The following CA10 variants were observed in gnomAD, a reference collection of about 807,000 sequenced individuals.
CA10 encodes the protein carbonic anhydrase 10 (inactive).
In CA10, 14 loss-of-function variants were observed where a neutral mutation model predicts 44.2. That is an observed-to-expected ratio of 0.32 (90% confidence interval 0.21 to 0.50). The LOEUF is 0.50. Among genes scored for constraint, CA10 ranks in the 20% least tolerant of loss-of-function variants. The pLI is 0.99. For missense variants in CA10, 350 were observed against 409.7 expected (o/e 0.85, Z 1.26); for synonymous variants, 159 against 141.6 (o/e 1.12, Z -0.87).
At chr17:51,796,374 C>A (rs956765642) in intron 3 of CA10, among the ~76,000 whole-genome samples, 1 of 152,122 alleles carries the variant, frequency 6.6e-6, no homozygotes, top group Non-Finnish European at 1.5e-5. Flanking sequence ...TCAAAGAAGG[C>A]CAGTGTGCTC....
At chr17:52,075,627 G>A (rs62068647) in intron 1 of CA10, among the ~76,000 whole-genome samples, 20,444 of 152,116 alleles carry the variant, frequency 0.13, 1,825 homozygotes, top group Non-Finnish European at 0.19. Flanking sequence ...GCAGAGCATA[G>A]CATCTCTGTC....
At chr17:51,668,777 A>G (rs1473037023) in intron 4 of CA10, among the ~76,000 whole-genome samples, 1 of 151,824 alleles carries the variant, frequency 6.6e-6, no homozygotes, top group Non-Finnish European at 1.5e-5. Context: ...GTGGAGAGAG[A>G]GGCGCAGGTG....
intron 4 of CA10, among the ~76,000 whole-genome samples, chr17:51,741,848 A>G (rs77385810): frequency 1.1e-3 from 164 of 152,348 alleles, no homozygotes; most frequent in Non-Finnish European, 1.6e-3. Context: ...ACAAAGGACT[A>G]TGGTTCCAAT....
chr17:51,781,560 TC>T (rs1475947159), intron 3 of CA10, among the ~76,000 whole-genome samples: 1 of 152,150 alleles, frequency 6.6e-6, no homozygotes, highest in Non-Finnish European at 1.5e-5. Flanking sequence ...ATGATGAAAA[TC>T]TACTTGTTCA....
intron 3 of CA10, among the ~76,000 whole-genome samples, chr17:51,870,524 C>T (rs930297578): frequency 6.6e-6 from 1 of 152,234 alleles, no homozygotes; most frequent in South Asian, 2.1e-4. Flanking sequence ...TAAAACAGTC[C>T]ATAAAAGCTA....
intron 2 of CA10, among the ~76,000 whole-genome samples, chr17:52,031,311 G>C (rs1387214353): frequency 6.6e-6 from 1 of 151,908 alleles, no homozygotes; most frequent in East Asian, 1.9e-4. Context: ...CACCATGCCT[G>C]GCGAATTTTT....
At chr17:51,747,246 G>A (rs567622321) in intron 4 of CA10, among the ~76,000 whole-genome samples, 1 of 152,210 alleles carries the variant, frequency 6.6e-6, no homozygotes, top group Admixed American at 6.5e-5. Flanking sequence ...CAAAAGAAAA[G>A]TTATGGAATC....
intron 3 of CA10, among the ~76,000 whole-genome samples, chr17:51,827,213 G>A (rs1908042683): frequency 6.6e-6 from 1 of 151,988 alleles, no homozygotes; most frequent in Admixed American, 6.6e-5. Context: ...AATACCTTTG[G>A]GAGACACAAA....
chr17:52,068,036 T>C (rs1041816140), intron 2 of CA10, among the ~76,000 whole-genome samples: 1 of 152,140 alleles, frequency 6.6e-6, no homozygotes, highest in African/African-American at 2.4e-5. Flanking sequence ...GTAGGCAGGA[T>C]TGGTTTTGAA....
chr17:51,686,607 T>C (rs1360893480), intron 4 of CA10, among the ~76,000 whole-genome samples: 1 of 151,908 alleles, frequency 6.6e-6, no homozygotes, highest in Admixed American at 6.6e-5. Flanking sequence ...TCTCTAGGAG[T>C]GGGCCCAGGC....
chr17:51,843,679 C>T (rs1203096601), intron 3 of CA10, among the ~76,000 whole-genome samples: 1 of 152,102 alleles, frequency 6.6e-6, no homozygotes, highest in African/African-American at 2.4e-5. Context: ...ATATACTTCC[C>T]TTCAAAGTAA....
intron 3 of CA10, among the ~76,000 whole-genome samples, chr17:51,787,615 C>T (rs901442594): frequency 6.6e-6 from 1 of 152,004 alleles, no homozygotes; most frequent in South Asian, 2.1e-4. Context: ...CTCAGCCTCC[C>T]GAGTAGATTG....
intron 2 of CA10, among the ~76,000 whole-genome samples, chr17:51,963,229 A>G (rs1418500574): frequency 6.6e-6 from 1 of 152,192 alleles, no homozygotes; most frequent in African/African-American, 2.4e-5. Flanking sequence ...AAAAAAATTT[A>G]GAAAAATGAA....
At chr17:52,143,855 A>G (rs951540117) in intron 1 of CA10, among the ~76,000 whole-genome samples, 3 of 152,228 alleles carry the variant, frequency 2.0e-5, no homozygotes, top group African/African-American at 7.2e-5. Context: ...GCTCTAAAGC[A>G]GGCTCCCTAG....
chr17:51,763,775 C>T (rs953386954), intron 3 of CA10, among the ~76,000 whole-genome samples: 5 of 152,006 alleles, frequency 3.3e-5, no homozygotes, highest in Non-Finnish European at 5.9e-5. Context: ...GTAACCTTTC[C>T]TTCTTCTCCT....
At chr17:51,929,241 C>T (rs1391564318) in intron 3 of CA10, among the ~76,000 whole-genome samples, 1 of 151,958 alleles carries the variant, frequency 6.6e-6, no homozygotes, top group East Asian at 1.9e-4. Context: ...TCTTTCACAT[C>T]AACATTTTTC....
chr17:51,996,443 C>T (rs773772590), intron 2 of CA10, among the ~76,000 whole-genome samples: 14 of 152,072 alleles, frequency 9.2e-5, no homozygotes, highest in South Asian at 2.1e-4. Flanking sequence ...TATTTTTAAG[C>T]GGTGCTGGTT....
chr17:51,770,791 G>A (rs566620362), intron 3 of CA10, among the ~76,000 whole-genome samples: 7 of 152,094 alleles, frequency 4.6e-5, no homozygotes, highest in Admixed American at 4.6e-4. Context: ...GTGGGAGCAA[G>A]AGAGAGATAG....
rs968579457 is a variant in CA10, at chr17:51,951,002, C to T, written c.137-19870G>A. ...CTAGGTCCCAATGGATTGTCTTGCA[C>T]ATTCCATTTTGGAAATCACCAACTT... is the stretch of plus-strand genomic sequence containing the variant. On this transcript the variant is annotated intron_variant, in intron 2 of 8. Coordinates refer to ENST00000451037, the MANE Select transcript of CA10 (RefSeq NM_020178.5). Among the ~76,000 whole-genome samples the T allele has an allele frequency of 1.5e-4, 23 of 152,262 alleles. No homozygotes were observed. In the East Asian group the frequency reaches 2.1e-3, roughly 14 times the overall value.
Sources: gnomAD v4.1 joint callset for allele counts (sites outside exome capture counted in the v4.1 genomes callset) on GRCh38, gnomAD v4.1.1 for gene constraint, MANE v1.5 for transcripts, NCBI Gene and HGNC (gene_info 2026-07-23, HGNC 2026-07-21) for gene names.